The following LRRC1 variants were observed in gnomAD, a reference collection of about 807,000 sequenced individuals.
LRRC1 encodes leucine rich repeat containing 1.
A neutral mutation model predicts 69.9 loss-of-function variants in LRRC1; 28 were observed. The ratio of observed to expected loss-of-function variants is 0.40; its 90% CI spans 0.30 to 0.55. LRRC1 has a LOEUF of 0.55. Among genes scored for constraint, LRRC1 ranks in the 20% least tolerant of loss-of-function variants. LRRC1 has a pLI of 0.47. For synonymous variants in LRRC1, 236 were observed against 240.2 expected (o/e 0.98, Z 0.16); for missense variants, 498 against 609.0 (o/e 0.82, Z 1.92).
intron 4 of LRRC1, among the ~76,000 whole-genome samples, chr6:53,884,475 C>T (rs1367716300): frequency 6.6e-6 from 1 of 152,188 alleles, no homozygotes. Flanking sequence ...CCACTGAATT[C>T]CAGCCTGGGT....
chr6:53,877,041 T>G (rs1767095137), intron 2 of LRRC1, among the ~76,000 whole-genome samples: 1 of 152,252 alleles, frequency 6.6e-6, no homozygotes, highest in South Asian at 2.1e-4. Flanking sequence ...AGCAAACTTT[T>G]GCCTGGGCAT....
At chr6:53,798,181 A>G (rs774018496) in intron 1 of LRRC1, among the ~76,000 whole-genome samples, 1 of 152,098 alleles carries the variant, frequency 6.6e-6, no homozygotes, top group Non-Finnish European at 1.5e-5. Context: ...TTACTTCCCT[A>G]ATCTTTTAAC....
At chr6:53,847,296 A>G (rs778809838) in intron 2 of LRRC1, among the ~76,000 whole-genome samples, 29 of 152,250 alleles carry the variant, frequency 1.9e-4, no homozygotes, top group Non-Finnish European at 1.2e-4. Flanking sequence ...TCCAAATTTT[A>G]AAAGTCAGTT....
intron 7 of LRRC1, 70 bp from the exon 8 acceptor site, chr6:53,899,677 C>A: frequency 6.8e-7 from 1 of 1,462,714 alleles, no homozygotes; most frequent in Admixed American, 2.0e-5. Flanking sequence ...TGTGAAAAAT[C>A]ACTGGAACAA....
intron 2 of LRRC1, among the ~76,000 whole-genome samples, chr6:53,871,506 T>A (rs1766883887): frequency 6.6e-6 from 1 of 152,194 alleles, no homozygotes; most frequent in South Asian, 2.1e-4. Flanking sequence ...TTTTTGCTGT[T>A]GAGTTTTTTC....
intron 1 of LRRC1, among the ~76,000 whole-genome samples, chr6:53,824,124 CT>C (rs572379001): frequency 1.3e-3 from 189 of 146,128 alleles, no homozygotes; most frequent in Middle Eastern, 3.6e-3. Flanking sequence ...TTAAGTGTTC[CT>C]TTTTTTTTTT....
chr6:53,806,351 T>C (rs1487090627), intron 1 of LRRC1, among the ~76,000 whole-genome samples: 2 of 152,164 alleles, frequency 1.3e-5, no homozygotes, highest in Non-Finnish European at 2.9e-5. Flanking sequence ...GATTTAGTAA[T>C]GGCTTTGAAC....
At chr6:53,856,877 GAA>G (rs1766326553) in intron 2 of LRRC1, among the ~76,000 whole-genome samples, 1 of 152,164 alleles carries the variant, frequency 6.6e-6, no homozygotes, top group Non-Finnish European at 1.5e-5. Flanking sequence ...GGGATCAGTA[GAA>G]GAGAAGATCT....
chr6:53,902,526 C>A, intron 8 of LRRC1, 103 bp from the exon 9 acceptor site: 1 of 611,294 alleles, frequency 1.6e-6, no homozygotes, highest in Non-Finnish European at 2.7e-6. Context: ...AAATAAGTAA[C>A]TGTTTAAAAC....
chr6:53,802,002 T>C (rs954620630), intron 1 of LRRC1, among the ~76,000 whole-genome samples: 12 of 152,204 alleles, frequency 7.9e-5, no homozygotes, highest in Non-Finnish European at 1.6e-4. Flanking sequence ...CTTAAAAAGC[T>C]TAAAAGCCTT....
intron 1 of LRRC1, among the ~76,000 whole-genome samples, chr6:53,807,918 G>A (rs1368068622): frequency 6.6e-6 from 1 of 152,332 alleles, no homozygotes; most frequent in East Asian, 1.9e-4. Flanking sequence ...GCAAAGCCTT[G>A]GGGATGAACT....
rs748863973 is a variant in LRRC1 at position 53,922,716 on chromosome 6, A to G, written c.1498A>G (p.Met500Val). 2.2e-5 allele frequency: 36 copies of G among 1,614,028 alleles called. No homozygotes were observed. Among genetic ancestry groups the G allele is most frequent in the Non-Finnish European group, 2.9e-5 (34 of 1,179,968 alleles). ...KKTVENLRND[M>V]NAAKGLDSNK... ...GACAGTGGAGAATTTACGGAATGAC[A>G]TGAATGCTGCTAAAGGACTGGACTC... The change falls in exon 14 of 14, where the codon ATG (methionine) becomes GTG (valine). Residue 500 changes from methionine to valine, a missense_variant. Coordinates refer to ENST00000370888, the MANE Select transcript of LRRC1 (RefSeq NM_018214.5).
chr6:53,855,615 G>A (rs930116058), intron 2 of LRRC1, among the ~76,000 whole-genome samples: 2 of 152,176 alleles, frequency 1.3e-5, no homozygotes, highest in Non-Finnish European at 2.9e-5. Context: ...CTGTATTGTG[G>A]TGTGCCTGTT....
At chr6:53,798,769 G>A (rs1036507414) in intron 1 of LRRC1, among the ~76,000 whole-genome samples, 35 of 152,160 alleles carry the variant, frequency 2.3e-4, no homozygotes, top group African/African-American at 8.0e-4. Context: ...GAATGTTGCC[G>A]AATCTTATAA....
intron 10 of LRRC1, among the ~76,000 whole-genome samples, chr6:53,905,517 T>C (rs1025250303): frequency 3.9e-5 from 6 of 152,096 alleles, no homozygotes; most frequent in African/African-American, 1.4e-4. Flanking sequence ...AAAGGTATGG[T>C]ATTTCCTTGG....
chr6:53,823,866 C>A (rs1025222517), intron 1 of LRRC1, among the ~76,000 whole-genome samples: 2 of 152,132 alleles, frequency 1.3e-5, no homozygotes, highest in Non-Finnish European at 2.9e-5. Flanking sequence ...GTATATATAC[C>A]ACATTTTCTT....
rs543586597 is a variant in LRRC1, at chr6:53,849,047, GCGCCCGGCCTATGCTTTTTTTTTTT to G, written c.277+6821_277+6845del. On this transcript the variant is annotated intron_variant, in intron 2 of 13. Transcript: ENST00000370888. ...GCTGGGATTACAGGCGTGAGCCACT[GCGCCCGGCCTATGCTTTTTTTTTTT>G]TTTTTTTTAGTTAGCAGGTTTGTTG... Among the ~76,000 whole-genome samples, 297 of 147,352 alleles carry G rather than the reference GCGCCCGGCCTATGCTTTTTTTTTTT, an allele frequency of 2.0e-3. 3 individuals carry two copies. In the East Asian group the frequency reaches 0.043, roughly 21 times the overall value.
chr6:53,897,463 A>T (rs1767913736), intron 7 of LRRC1, 104 bp downstream of exon 7: 14 of 760,480 alleles, frequency 1.8e-5, no homozygotes, highest in Non-Finnish European at 3.0e-5. Context: ...GGATCTTGAA[A>T]ACCAAAAACA....
intron 2 of LRRC1, among the ~76,000 whole-genome samples, chr6:53,848,092 T>C (rs1387681840): frequency 2.0e-5 from 3 of 152,244 alleles, no homozygotes; most frequent in African/African-American, 7.2e-5. Context: ...AGGAGAGTTT[T>C]GTTGTCACTG....
Sources: gnomAD v4.1 joint callset for allele counts (sites outside exome capture counted in the v4.1 genomes callset) on GRCh38, gnomAD v4.1.1 for gene constraint, MANE v1.5 for transcripts, NCBI Gene and HGNC (gene_info 2026-07-23, HGNC 2026-07-21) for gene names.